FGF14: variants seen among roughly 807,000 people sequenced by gnomAD.
FGF14 encodes the protein fibroblast growth factor homologous factor 4.
Under a neutral mutation model 25.5 loss-of-function variants are expected in FGF14, and 5 were observed. The ratio of observed to expected loss-of-function variants is 0.20; its 90% confidence interval spans 0.10 to 0.41. The LOEUF is 0.41. Ranked by LOEUF, FGF14 falls within the 10% of genes least tolerant of loss-of-function variation. The pLI is 1.00. For missense variants in FGF14, 222 were observed against 320.1 expected, an observed-to-expected ratio of 0.69 and a Z score of 2.34; for synonymous variants, 138 against 118.3, an observed-to-expected ratio of 1.17 and a Z score of -1.08.
chr13:102,186,529 T>C (rs2048881510), intron 1 of FGF14, among the ~76,000 whole-genome samples: 1 of 152,156 alleles, frequency 6.6e-6, no homozygotes, highest in Non-Finnish European at 1.5e-5. Flanking sequence ...TCAATAACAT[T>C]GATGTGAATA....
intron 1 of FGF14, among the ~76,000 whole-genome samples, chr13:101,954,434 T>TAAA (rs2036382141): frequency 6.6e-6 from 1 of 152,240 alleles, no homozygotes; most frequent in Non-Finnish European, 1.5e-5. Context: ...GGCCCTCTTC[T>TAAA]AAATTTTTGA....
At chr13:102,048,000 T>C (rs1414427895) in intron 1 of FGF14, among the ~76,000 whole-genome samples, 3 of 151,500 alleles carry the variant, frequency 2.0e-5, no homozygotes, top group Non-Finnish European at 4.4e-5. Flanking sequence ...CTAAGCCCGG[T>C]TTATTATCTT....
chr13:102,350,033 T>C (rs903376593), intron 1 of FGF14, among the ~76,000 whole-genome samples: 2 of 152,208 alleles, frequency 1.3e-5, no homozygotes, highest in African/African-American at 2.4e-5. Flanking sequence ...AGAGTGAATA[T>C]GGACTATGGT....
chr13:101,931,980 C>A (rs976320643), intron 1 of FGF14, among the ~76,000 whole-genome samples: 1 of 152,190 alleles, frequency 6.6e-6, no homozygotes, highest in African/African-American at 2.4e-5. Flanking sequence ...GTTATAAGAA[C>A]TTTCCCTAAA....
At chr13:102,226,443 A>G (rs1033365636) in intron 1 of FGF14, among the ~76,000 whole-genome samples, 1 of 152,208 alleles carries the variant, frequency 6.6e-6, no homozygotes, top group African/African-American at 2.4e-5. Context: ...TGTCTGTATA[A>G]TGCCTATTTC....
chr13:101,955,972 T>C (rs1356203652), intron 1 of FGF14, among the ~76,000 whole-genome samples: 1 of 152,226 alleles, frequency 6.6e-6, no homozygotes, highest in Non-Finnish European at 1.5e-5. Flanking sequence ...GTCCCACGTT[T>C]TCACTTTCAC....
At chr13:101,961,650 G>A (rs578215928) in intron 1 of FGF14, among the ~76,000 whole-genome samples, 5 of 152,188 alleles carry the variant, frequency 3.3e-5, no homozygotes, top group South Asian at 2.1e-4. Context: ...TCATGGGGAC[G>A]GTTACCTCCA....
intron 3 of FGF14, among the ~76,000 whole-genome samples, chr13:101,759,981 A>G (rs553051822): frequency 1.8e-4 from 28 of 152,282 alleles, no homozygotes; most frequent in Non-Finnish European, 3.7e-4. Context: ...GGATTTCCCA[A>G]CTGACAGAGA....
At chr13:102,369,234 G>A (rs565746254) in intron 1 of FGF14, among the ~76,000 whole-genome samples, 36 of 152,254 alleles carry the variant, frequency 2.4e-4, no homozygotes, top group African/African-American at 8.7e-4. Flanking sequence ...GTCCTTCATT[G>A]AAGGGCTCCC....
At chr13:102,139,597 G>C (rs546154348) in intron 1 of FGF14, among the ~76,000 whole-genome samples, 1 of 152,042 alleles carries the variant, frequency 6.6e-6, no homozygotes, top group Admixed American at 6.6e-5. Flanking sequence ...CTGCTGTGGA[G>C]GGGGGGATGG....
chr13:102,324,877 C>T (rs1280010228), intron 1 of FGF14, among the ~76,000 whole-genome samples: 2 of 152,126 alleles, frequency 1.3e-5, no homozygotes, highest in African/African-American at 4.8e-5. Context: ...AACTCACCCC[C>T]TTTTCACTGT....
chr13:102,287,617 T>C (rs936707578), intron 1 of FGF14, among the ~76,000 whole-genome samples: 8 of 152,242 alleles, frequency 5.3e-5, no homozygotes, highest in Non-Finnish European at 8.8e-5. Flanking sequence ...AAATTTCTAA[T>C]ACTGAATGTT....
chr13:102,099,149 A>G (rs2044540785), intron 1 of FGF14, among the ~76,000 whole-genome samples: 1 of 152,188 alleles, frequency 6.6e-6, no homozygotes, highest in Admixed American at 6.5e-5. Flanking sequence ...GGTCTTCTCC[A>G]ATTGACCATA....
At chr13:101,751,234 A>C (rs1371547241) in intron 3 of FGF14, among the ~76,000 whole-genome samples, 4 of 152,162 alleles carry the variant, frequency 2.6e-5, no homozygotes, top group Admixed American at 6.6e-5. Flanking sequence ...TGGCTCGTTC[A>C]TTATAAAATT....
intron 1 of FGF14, among the ~76,000 whole-genome samples, chr13:102,148,891 G>A (rs1000959014): frequency 4.6e-5 from 7 of 152,154 alleles, no homozygotes; most frequent in Non-Finnish European, 1.0e-4. Context: ...GAGATAGATG[G>A]TGAGCCTCTT....
chr13:102,114,940 C>T (rs11619662), intron 1 of FGF14, among the ~76,000 whole-genome samples: 2 of 151,958 alleles, frequency 1.3e-5, no homozygotes, highest in Non-Finnish European at 2.9e-5. Context: ...ATATATTGAA[C>T]ACTCACAAAT....
chr13:102,389,270 A>G (rs910965966), intron 1 of FGF14, among the ~76,000 whole-genome samples: 2 of 152,226 alleles, frequency 1.3e-5, no homozygotes, highest in African/African-American at 4.8e-5. Context: ...TAATGTTAAC[A>G]TATCACATAT....
intron 1 of FGF14, among the ~76,000 whole-genome samples, chr13:102,091,787 A>G (rs1158130780): frequency 3.9e-5 from 6 of 152,018 alleles, no homozygotes; most frequent in Non-Finnish European, 7.4e-5. Context: ...ACAATACCTT[A>G]GAGTTTCTTT....
At chr13:102,246,439 T>C (rs1319059123) in intron 1 of FGF14, among the ~76,000 whole-genome samples, 1 of 152,048 alleles carries the variant, frequency 6.6e-6, no homozygotes, top group Non-Finnish European at 1.5e-5. Context: ...TGGCAAACCC[T>C]CAACTTATAT....
Sources: allele counts gnomAD v4.1 joint callset (sites outside exome capture counted in the v4.1 genomes callset), GRCh38; gene constraint gnomAD v4.1.1; transcripts MANE v1.5; gene names NCBI Gene and HGNC (gene_info 2026-07-23, HGNC 2026-07-21).